SLC22A31: variants seen among roughly 807,000 people sequenced by gnomAD.
SLC22A31 encodes the protein solute carrier family 22 member 31.
A neutral mutation model predicts 27.4 loss-of-function variants in SLC22A31; 42 were observed. That is an observed-to-expected ratio of 1.53 (90% CI 1.20 to 1.98). SLC22A31 has a LOEUF of 1.98. Among genes scored for constraint, SLC22A31 ranks in the 30% most tolerant of loss-of-function variants. The pLI is 0.00. For synonymous variants in SLC22A31, 290 were observed against 230.8 expected, an observed-to-expected ratio of 1.26 and a Z score of -2.33; for missense variants, 593 against 479.9, an observed-to-expected ratio of 1.24 and a Z score of -2.20.
intron 7 of SLC22A31, among the ~76,000 whole-genome samples, chr16:89,197,661 G>T (rs116972316): frequency 6.6e-6 from 1 of 152,148 alleles, no homozygotes; most frequent in African/African-American, 2.4e-5. Flanking sequence ...TCGGGCCCAC[G>T]CTCAGCTACT....
chr16:89,201,280 C>A, upstream of SLC22A31: 1 of 358,064 alleles, frequency 2.8e-6, no homozygotes, highest in Non-Finnish European at 5.0e-6. Context: ...CCGGGCTTTG[C>A]AGGAGGCCGG....
chr16:89,198,489 C>A lies in SLC22A31; in HGVS notation c.660G>T (p.Leu220=), dbSNP rs1253929619. The A allele has an allele frequency of 6.6e-7, 1 of 1,519,438 alleles. No homozygotes were observed. 94.1% of individuals were successfully genotyped at this position (1,519,438 alleles called of 1,614,324 possible). ...CGTTTCTCCAGGTGACTCGGGTACG[C>A]AGAAGCCCCAGTGGGGAGTGGTACC... is the stretch of plus-strand genomic sequence containing the variant. ...QPRYHSPLGL[L]RTRVTWRNGL... is the part of the protein sequence containing the mutation. The change falls in exon 6 of 9, where the codon CTG becomes CTT. Residue 220 remains leucine, a synonymous_variant. Transcript: ENST00000682282.
chr16:89,197,520 G>T, intron 7 of SLC22A31, 111 bp from the exon 8 acceptor site: 1 of 719,818 alleles, frequency 1.4e-6, no homozygotes, highest in Non-Finnish European at 2.2e-6. Flanking sequence ...CACTTTCCAA[G>T]CCTCCTTTTC....
In SLC22A31 at chr16:89,198,745, C is replaced by G. The variant is rs542678505; in HGVS notation, c.505G>C (p.Val169Leu). The change falls in exon 5 of 9, where the codon GTA becomes CTA. Residue 169 changes from valine (V) to leucine (L), a missense_variant. By Grantham distance (32) the Val-to-Leu change is conservative. Coordinates refer to ENST00000682282, the MANE Select transcript of SLC22A31 (RefSeq NM_001384763.1). ...SPCWLLATGQ[V>L]ARARKILWRF... ...CACAGGATCTTCCTGGCTCGAGCTA[C>G]CTGACCTGTGGCCAGCAGCCAGCAG... 4.2e-5 allele frequency: 65 copies of G among 1,535,582 alleles called. No homozygotes were observed. In the Admixed American group the frequency reaches 9.4e-4, roughly 22 times the overall value.
chr16:89,198,837 C>T (rs937445823), intron 4 of SLC22A31, 40 bp from the exon 5 acceptor site: 4 of 1,512,568 alleles, frequency 2.6e-6, no homozygotes, highest in Non-Finnish European at 3.5e-6. Flanking sequence ...CCCTCCACCT[C>T]CTCCTGGAAG....
chr16:89,198,026 A>G (rs143021016), intron 7 of SLC22A31, 96 bp downstream of exon 7: 252 of 1,374,836 alleles, frequency 1.8e-4, no homozygotes, highest in Middle Eastern at 5.1e-4. Context: ...CTGCCACCCC[A>G]GGCTGCTCCC....
In SLC22A31 at chr16:89,198,989, T is replaced by C. The variant is rs780701672; in HGVS notation, c.452+34A>G. The C allele has an allele frequency of 2.6e-6, 4 of 1,527,982 alleles. No homozygotes were observed. The African/African-American group carries it at 4.1e-5, about 16-fold the overall frequency. The allele number at this position is 1,527,982 out of a possible 1,614,324, so 94.7% of individuals were successfully genotyped here. On this transcript the variant is annotated intron_variant, in intron 4 of 8. Transcript: ENST00000682282. The stretch of plus-strand genomic sequence containing the variant: ...AGGGAAGCTACATAGTCAGCCCCGA[T>C]GAGGGCTGCTGGCCCAGCTCCCACC...
At chr16:89,201,441 G>C, upstream of SLC22A31, 1 of 387,310 alleles carries the variant, frequency 2.6e-6, no homozygotes, top group Non-Finnish European at 4.6e-6. Context: ...CCCCAGGCGC[G>C]GGATGGCGGC....
At position 89,199,581 on chromosome 16, in the gene SLC22A31, G is replaced by A. The variant is rs927656732; in HGVS notation, c.129-14C>T. ...CGGCGTCCAAACCTGGTGGGCAGCG[G>A]GGGACATGCTTGGACAGGGTCAGGA... On this transcript the variant is annotated splice_polypyrimidine_tract_variant and intron_variant, in intron 2 of 8. Coordinates refer to ENST00000682282, the MANE Select transcript of SLC22A31 (RefSeq NM_001384763.1). The A allele has an allele frequency of 9.1e-6, 4 of 440,666 alleles. No individual in the cohort carries two copies. Among genetic ancestry groups the A allele is most frequent in the Non-Finnish European group, 1.6e-5 (4 of 247,780 alleles). 27.3% of individuals were successfully genotyped at this position (440,666 alleles called of 1,614,324 possible).
At chr16:89,197,756 C>T (rs1916103793) in intron 7 of SLC22A31, among the ~76,000 whole-genome samples, 1 of 152,218 alleles carries the variant, frequency 6.6e-6, no homozygotes, top group African/African-American at 2.4e-5. Flanking sequence ...TTTCATTTTG[C>T]ACCTAGCTCC....
In SLC22A31 at chr16:89,196,646, T is replaced by A. The variant is rs1367889564; in HGVS notation, c.1035-341A>T. 5.9e-5 allele frequency among the ~76,000 whole-genome samples: 9 copies of A among 152,218 alleles called. No homozygotes were observed. In the East Asian group the frequency reaches 1.7e-3, roughly 29 times the overall value. On this transcript the variant is annotated intron_variant, in intron 8 of 8. Coordinates refer to ENST00000682282, the MANE Select transcript of SLC22A31 (RefSeq NM_001384763.1). ...CTTCCTCTCCTGGAGCACTTTTTGCTCTGTTCAAGACTGGAAAGTGGCCGG... is the reference window on the plus strand; with the variant it reads ...CTTCCTCTCCTGGAGCACTTTTTGCACTGTTCAAGACTGGAAAGTGGCCGG...
Position 89,196,229 on chromosome 16 carries a change from G to C in SLC22A31, c.1111C>G (p.Arg371Gly), listed in dbSNP as rs780407079. Residue 371 changes from arginine (R) to glycine (G), a missense_variant, in exon 9 of 9, where the codon CGG becomes GGG. Arg to Gly is a moderately radical substitution (Grantham distance 125, BLOSUM62 -2). Transcript: ENST00000682282. ...ACTTGTTGCAGGAAGAAGCCCTGCC[G>C]GCCGTGCAGGGTGTCCAGGGGGCCG... ...AAGPLDTLHG[R>G]QGFFLQQVVF... 6.5e-7 allele frequency: 1 copy of C among 1,534,480 alleles called. No individual in the cohort carries two copies. The highest frequency in any genetic ancestry group is 1.2e-5 in the South Asian group (1 of 84,008).
intron 1 of SLC22A31, 56 bp from the exon 2 acceptor site, chr16:89,199,872 G>C (rs1916382102): frequency 5.0e-6 from 2 of 401,216 alleles, no homozygotes; most frequent in Non-Finnish European, 8.8e-6. Context: ...CTGGGGACAG[G>C]TGCAGGGAGT....
In SLC22A31 at chr16:89,198,537, C is replaced by G. The variant is rs559281721; in HGVS notation, c.612G>C (p.Leu204=). ...ENSLATELTM[L]SARSPQPRYH... is the part of the protein sequence containing the mutation. The stretch of plus-strand genomic sequence containing the variant: ...ACCGGGGCTGGGGGCTCCGTGCAGA[C>G]AGCATGGTCAGCTCTGTAGCCGCAG... Residue 204 remains leucine (L), a synonymous_variant, in exon 6 of 9, where the codon CTG becomes CTC. Coordinates refer to ENST00000682282, the MANE Select transcript of SLC22A31 (RefSeq NM_001384763.1). 4.9e-4 allele frequency: 745 copies of G among 1,507,756 alleles called. 1 individual carries two copies. Among genetic ancestry groups the G allele is most frequent in the Non-Finnish European group, 6.1e-4 (690 of 1,129,918 alleles). 93.4% of individuals were successfully genotyped at this position (1,507,756 alleles called of 1,614,324 possible).
At chr16:89,196,479 A>T in intron 8 of SLC22A31, 174 bp from the exon 9 acceptor site, 1 of 1,261,456 alleles carries the variant, frequency 7.9e-7, no homozygotes, top group African/African-American at 1.5e-5. Context: ...TGTGGGAGAG[A>T]GTGCGTTGGG....
Position 89,196,435 on chromosome 16 carries a change from C to G in SLC22A31, c.1035-130G>C, listed in dbSNP as rs1449549163. On this transcript the variant is annotated intron_variant, in intron 8 of 8. Transcript: ENST00000682282. ...GCAGCCAGCCTCCTGGCCCAGGAAC[C>G]CGGCCCCCAGCACCAGGCCCAGGCC... is the stretch of plus-strand genomic sequence containing the variant. 1.5e-5 allele frequency: 17 copies of G among 1,169,950 alleles called. No homozygotes were observed. In the South Asian group the frequency reaches 2.0e-4, roughly 14 times the overall value. 72.5% of individuals were successfully genotyped at this position (1,169,950 alleles called of 1,614,324 possible).
At chr16:89,197,743 G>A (rs1299382812) in intron 7 of SLC22A31, among the ~76,000 whole-genome samples, 3 of 152,060 alleles carry the variant, frequency 2.0e-5, no homozygotes, top group African/African-American at 7.3e-5. Context: ...AGCAAGGCCT[G>A]CATTTCATTT....
chr16:89,198,435 G>T lies in SLC22A31; in HGVS notation c.707+7C>A, dbSNP rs769666815. On this transcript the variant is annotated splice_region_variant and intron_variant, in intron 6 of 8. Coordinates refer to ENST00000682282, the MANE Select transcript of SLC22A31 (RefSeq NM_001384763.1). ...TGGTGCAGGACCCCAGCCCTTCCTC[G>T]ACTCACGAGCTGAAGCCCAAGATAA... 1 of 1,517,268 alleles carries T rather than the reference G, an allele frequency of 6.6e-7. No homozygotes were observed. The highest frequency in any genetic ancestry group is 2.0e-5 in the Admixed American group (1 of 49,134). 94.0% of individuals were successfully genotyped at this position (1,517,268 alleles called of 1,614,324 possible).
chr16:89,196,048 A>C lies in SLC22A31; in HGVS notation c.1292T>G (p.Leu431Arg). The C allele has an allele frequency of 6.5e-7, 1 of 1,529,674 alleles. No individual in the cohort carries two copies. The highest frequency in any genetic ancestry group is 1.2e-5 in the South Asian group (1 of 83,522). 94.8% of individuals were successfully genotyped at this position (1,529,674 alleles called of 1,614,324 possible). Reference protein sequence around the residue: ...GRPRQDHLPLLPPSNSYWAGH... With the variant: ...GRPRQDHLPLRPPSNSYWAGH... Reference sequence around the variant, plus strand: ...GGCCCAGTAGGAGTTGGAGGGCGGCAGCAGAGGCAGGTGGTCCTGGCGGGG... The same window carrying C: ...GGCCCAGTAGGAGTTGGAGGGCGGCCGCAGAGGCAGGTGGTCCTGGCGGGG... Residue 431 changes from leucine (L) to arginine (R), a missense_variant, in exon 9 of 9, where the codon CTG (leucine) becomes CGG (arginine). Physicochemically the swap from Leu to Arg is moderately radical, Grantham distance 102 (BLOSUM62 -2). Transcript: ENST00000682282.
Sources: allele counts gnomAD v4.1 joint callset (sites outside exome capture counted in the v4.1 genomes callset), GRCh38; gene constraint gnomAD v4.1.1; transcripts MANE v1.5; gene names NCBI Gene and HGNC (gene_info 2026-07-23, HGNC 2026-07-21).